Variants in GPN3 observed in about 807,000 individuals in gnomAD.
GPN3 encodes the protein ATP-binding domain 1 family member C.
GPN3 carries 31 observed loss-of-function variants against 38.7 expected under a neutral mutation model. The observed-to-expected ratio is 0.80, with a 90% CI of 0.60 to 1.08. GPN3 has a LOEUF of 1.08. Ranked by LOEUF, GPN3 falls within the 50% of genes least tolerant of loss-of-function variation. The pLI is 0.00. For missense variants in GPN3, 301 were observed against 354.4 expected, an observed-to-expected ratio of 0.85 and a Z score of 1.21; for synonymous variants, 116 against 120.2, an observed-to-expected ratio of 0.96 and a Z score of 0.23.
At chr12:110,457,384 G>A (rs551033168) in intron 4 of GPN3, 126 bp downstream of exon 4, 2 of 600,380 alleles carry the variant, frequency 3.3e-6, no homozygotes, top group African/African-American at 1.9e-5. Context: ...ACTGGGAGGC[G>A]GAGGTTGCAG....
At chr12:110,467,555 T>G (rs1203781838) in intron 1 of GPN3, among the ~76,000 whole-genome samples, 1 of 152,156 alleles carries the variant, frequency 6.6e-6, no homozygotes, top group Non-Finnish European at 1.5e-5. Context: ...ATTAAAGAAG[T>G]GCTGAAGATA....
chr12:110,457,749 A>C, intron 3 of GPN3, 115 bp from the exon 4 acceptor site: 1 of 617,264 alleles, frequency 1.6e-6, no homozygotes, highest in Non-Finnish European at 2.7e-6. Flanking sequence ...CACATTTTTA[A>C]GGGGCCCACA....
rs182848129 is a variant in GPN3 at position 110,461,055 on chromosome 12, G to A, written c.158-1193C>T. 2.0e-3 allele frequency: 3,206 copies of A among 1,586,288 alleles called. 6 individuals are homozygous for A. The highest frequency in any genetic ancestry group is 2.5e-3 in the Non-Finnish European group (2,918 of 1,156,214). On this transcript the variant is annotated intron_variant, in intron 2 of 7. Coordinates refer to ENST00000228827, the MANE Select transcript of GPN3 (RefSeq NM_016301.4). ...TCTGCCATCAACGAAGTGGTAACCCGAGAATACACCATCAACATTCACAAG... is the reference window on the plus strand; with the variant it reads ...TCTGCCATCAACGAAGTGGTAACCCAAGAATACACCATCAACATTCACAAG...
intron 6 of GPN3, among the ~76,000 whole-genome samples, chr12:110,455,126 A>AT (rs201656067): frequency 1.5e-3 from 222 of 149,922 alleles, no homozygotes; most frequent in African/African-American, 4.8e-3. Flanking sequence ...GCCTGGCCTA[A>AT]TTTTTTTTTG....
chr12:110,465,184 A>T lies in GPN3; in HGVS notation c.79T>A (p.Cys27Ser). Residue 27 changes from cysteine to serine, a missense_variant, in exon 2 of 8, where the codon TGT (cysteine) becomes AGT (serine). Physicochemically the swap from Cys to Ser is moderately radical, Grantham distance 112 (BLOSUM62 -1). Transcript: ENST00000228827. ...STYCATMVQH[C>S]EALNRSVQVV... ...TGGACAGACCGGTTGAGGGCTTCACAGTGCTGGACCATGGTGGCACAGTAG... is the reference window on the plus strand; with the variant it reads ...TGGACAGACCGGTTGAGGGCTTCACTGTGCTGGACCATGGTGGCACAGTAG... 6.2e-7 allele frequency: 1 copy of T among 1,610,246 alleles called. No homozygotes were observed. Among genetic ancestry groups the T allele is most frequent in the South Asian group, 1.1e-5 (1 of 91,020 alleles).
upstream of GPN3, chr12:110,468,639 A>G (rs746006306): frequency 1.8e-4 from 272 of 1,537,112 alleles, no homozygotes; most frequent in Non-Finnish European, 2.2e-4. Flanking sequence ...GGGAGCATGT[A>G]TATTTCCCTC....
intron 1 of GPN3, 127 bp downstream of exon 1, chr12:110,468,029 G>A: frequency 8.0e-7 from 1 of 1,257,672 alleles, no homozygotes. Context: ...AAGCCAGACA[G>A]CAGAAATGAG....
At chr12:110,456,357 C>T (rs972233609) in intron 4 of GPN3, among the ~76,000 whole-genome samples, 1 of 148,868 alleles carries the variant, frequency 6.7e-6, no homozygotes, top group African/African-American at 2.5e-5. Context: ...AAAAGAAATG[C>T]CAGTTCAGAA....
chr12:110,456,506 T>C (rs989617543), intron 4 of GPN3, among the ~76,000 whole-genome samples: 1 of 151,992 alleles, frequency 6.6e-6, no homozygotes, highest in African/African-American at 2.4e-5. Context: ...TAACATACAG[T>C]GATCACAAAT....
At chr12:110,468,093 G>A (rs1374897379) in intron 1 of GPN3, 63 bp downstream of exon 1, 4 of 1,613,264 alleles carry the variant, frequency 2.5e-6, no homozygotes, top group Admixed American at 3.3e-5. Context: ...CACTCCCTCA[G>A]GACCCAATCT....
Position 110,468,205 on chromosome 12 carries a change from T to G in GPN3, c.-2A>C, listed in dbSNP as rs569872558. 15 of 1,606,482 alleles carry G rather than the reference T, an allele frequency of 9.3e-6. No homozygotes were observed. The South Asian group carries it at 1.4e-4, about 15-fold the overall frequency. ...GACCAGCTGCGCATACCGAGGCATG[T>G]TGGCTCCCGGAGCCGCCCGCCACAC... On this transcript the variant is annotated 5_prime_UTR_variant, in exon 1 of 8. Transcript: ENST00000228827.
rs199875960 is a variant in GPN3 at position 110,465,199 on chromosome 12, T to A, written c.64A>T (p.Thr22Ser). Residue 22 changes from threonine (T) to serine (S), a missense_variant, in exon 2 of 8, where the codon ACC (threonine) becomes TCC (serine). By Grantham distance (58) the Thr-to-Ser change is moderately conservative (BLOSUM62 1). Transcript: ENST00000228827. ...AGSGKSTYCA[T>S]MVQHCEALNR... ...AGGGCTTCACAGTGCTGGACCATGGTGGCACAGTAGGTGCTCTGTAATGTC... is the reference window on the plus strand; with the variant it reads ...AGGGCTTCACAGTGCTGGACCATGGAGGCACAGTAGGTGCTCTGTAATGTC... The A allele has an allele frequency of 4.4e-6, 7 of 1,602,820 alleles. No homozygotes were observed. The East Asian group carries it at 1.3e-4, about 31-fold the overall frequency.
chr12:110,461,623 G>C (rs1359719662), intron 2 of GPN3, among the ~76,000 whole-genome samples: 1 of 151,874 alleles, frequency 6.6e-6, no homozygotes, highest in African/African-American at 2.4e-5. Context: ...ACCAACAGGA[G>C]AGGCTTAAAA....
rs533292540 is a variant in GPN3, at chr12:110,456,892, C to G, written c.450+618G>C. ...TTTATATTTTTTGTAGAGACAGGGTCTCACTCTGTTGCCCAAGCAGGTCCG... is the reference window on the plus strand; with the variant it reads ...TTTATATTTTTTGTAGAGACAGGGTGTCACTCTGTTGCCCAAGCAGGTCCG... On this transcript the variant is annotated intron_variant, in intron 4 of 7. Transcript: ENST00000228827. Among the ~76,000 whole-genome samples the G allele has an allele frequency of 5.3e-5, 8 of 152,026 alleles. No homozygotes were observed. The South Asian group carries it at 1.7e-3, about 32-fold the overall frequency.
Position 110,458,302 on chromosome 12 carries a change from G to A in GPN3, c.326-668C>T, listed in dbSNP as rs1280362245. The stretch of plus-strand genomic sequence containing the variant: ...TTGAGAGCAGCCTGAGCAATATAGT[G>A]AGATCCTATCTCTACAAAAATAAAT... On this transcript the variant is annotated intron_variant, in intron 3 of 7. Coordinates refer to ENST00000228827, the MANE Select transcript of GPN3 (RefSeq NM_016301.4). The surrounding 1 kb of genome is among the most constrained non-coding windows in gnomAD (Gnocchi z 4.4). Among the ~76,000 whole-genome samples the A allele has an allele frequency of 6.6e-6, 1 of 152,088 alleles. No homozygotes were observed. Among genetic ancestry groups the A allele is most frequent in the Admixed American group, 6.6e-5 (1 of 15,254 alleles).
chr12:110,455,778 C>G (rs967290931), intron 5 of GPN3, 37 bp downstream of exon 5: 1 of 1,179,398 alleles, frequency 8.5e-7, no homozygotes, highest in East Asian at 2.3e-5. Context: ...ATCTCTGCAA[C>G]TGAGATCTGA....
chr12:110,468,381 A>G (rs2062652766), upstream of GPN3: 2 of 1,522,058 alleles, frequency 1.3e-6, no homozygotes, highest in Non-Finnish European at 8.8e-7. Flanking sequence ...GCGTCCTGAG[A>G]AAAAAGGGGA....
At chr12:110,457,392 C>T in intron 4 of GPN3, 118 bp downstream of exon 4, 1 of 680,102 alleles carries the variant, frequency 1.5e-6, no homozygotes, top group Non-Finnish European at 2.1e-6. Flanking sequence ...GCGGAGGTTG[C>T]AGTGAGCTGA....
intron 2 of GPN3, 41 bp from the exon 3 acceptor site, chr12:110,459,903 C>A (rs757238288): frequency 3.5e-5 from 53 of 1,507,636 alleles, no homozygotes; most frequent in Non-Finnish European, 4.6e-5. Context: ...TGTGTCCCTT[C>A]AAAAATTGTT....
Sources: allele counts gnomAD v4.1 joint callset (sites outside exome capture counted in the v4.1 genomes callset), GRCh38; gene constraint gnomAD v4.1.1; non-coding constraint Gnocchi (gnomAD v3.1); transcripts MANE v1.5; gene names NCBI Gene and HGNC (gene_info 2026-07-23, HGNC 2026-07-21).